Variants in GALNT13 observed in about 807,000 individuals in gnomAD.
GALNT13 encodes polypeptide N-acetylgalactosaminyltransferase 13, also known as UDP-GalNAc:polypeptide N-acetylgalactosaminyltransferase 13.
A neutral mutation model predicts 64.2 loss-of-function variants in GALNT13; 28 were observed. That is an observed-to-expected ratio of 0.44 (90% CI 0.32 to 0.60). GALNT13 has a LOEUF of 0.60. Among genes scored for constraint, GALNT13 ranks in the 20% least tolerant of loss-of-function variants. GALNT13 has a pLI of 0.05. For missense variants in GALNT13, 577 were observed against 669.8 expected (o/e 0.86, Z 1.53); for synonymous variants, 214 against 224.6 (o/e 0.95, Z 0.42).
At chr2:154,252,853 A>G (rs1690161509) in intron 7 of GALNT13, among the ~76,000 whole-genome samples, 2 of 152,166 alleles carry the variant, frequency 1.3e-5, no homozygotes, top group South Asian at 2.1e-4. Context: ...TGACTTTTTT[A>G]TCCATGCTAC....
intron 3 of GALNT13, 44 bp from the exon 4 acceptor site, chr2:154,140,293 T>G (rs761280956): frequency 7.0e-7 from 1 of 1,424,840 alleles, no homozygotes; most frequent in East Asian, 2.3e-5. Flanking sequence ...CAGTTCATTA[T>G]CTGTGTGTTT....
chr2:154,418,807 A>G (rs1389373752), intron 11 of GALNT13, among the ~76,000 whole-genome samples: 1 of 152,182 alleles, frequency 6.6e-6, no homozygotes, highest in Non-Finnish European at 1.5e-5. Context: ...AATTTCTAAG[A>G]TACTAAACCT....
chr2:154,184,039 A>G (rs1686113674), intron 4 of GALNT13, among the ~76,000 whole-genome samples: 1 of 151,758 alleles, frequency 6.6e-6, no homozygotes, highest in African/African-American at 2.4e-5. Flanking sequence ...ACTTGTTATA[A>G]CCTTATCATG....
chr2:153,218,230 C>G, the GALNT13 span, among the ~76,000 whole-genome samples: 1 of 152,124 alleles, frequency 6.6e-6, no homozygotes, highest in Non-Finnish European at 1.5e-5. Context: ...ACTGTTGCTT[C>G]TTATTCATTA....
At chr2:153,159,566 TGAAAG>T in the GALNT13 span, 1 of 152,812 alleles carries the variant, frequency 6.5e-6, no homozygotes, top group African/African-American at 2.4e-5. Flanking sequence ...TATGATGTGT[TGAAAG>T]GAACAAGAGC....
chr2:154,369,670 C>T (rs2105307134), intron 9 of GALNT13, among the ~76,000 whole-genome samples: 1 of 152,242 alleles, frequency 6.6e-6, no homozygotes, highest in Admixed American at 6.5e-5. Flanking sequence ...TAAGTTTCAA[C>T]ATGAGGTTTA....
intron 9 of GALNT13, among the ~76,000 whole-genome samples, chr2:154,360,515 G>T (rs1048261199): frequency 6.6e-6 from 1 of 152,134 alleles, no homozygotes; most frequent in Non-Finnish European, 1.5e-5. Flanking sequence ...AGTATAGGGT[G>T]CTGCTTTCGC....
intron 3 of GALNT13, among the ~76,000 whole-genome samples, chr2:154,068,976 T>C (rs1574445490): frequency 6.6e-6 from 1 of 152,026 alleles, no homozygotes; most frequent in Admixed American, 6.6e-5. Context: ...TTGTGATGAT[T>C]ATGCATTGTG....
At chr2:153,848,544 A>G in the GALNT13 span, among the ~76,000 whole-genome samples, 4 of 152,196 alleles carry the variant, frequency 2.6e-5, no homozygotes, top group African/African-American at 9.7e-5. Context: ...AACAATATCA[A>G]AAGTTGCTTC....
At chr2:153,432,884 G>A in the GALNT13 span, among the ~76,000 whole-genome samples, 1 of 152,076 alleles carries the variant, frequency 6.6e-6, no homozygotes, top group South Asian at 2.1e-4. Context: ...AGAATGATTT[G>A]TAAAATAGTT....
chr2:154,044,389 G>A (rs1699174851), intron 3 of GALNT13, among the ~76,000 whole-genome samples: 1 of 152,192 alleles, frequency 6.6e-6, no homozygotes, highest in Non-Finnish European at 1.5e-5. Context: ...TTCAGATGGA[G>A]GCACTCCCTG....
intron 8 of GALNT13, among the ~76,000 whole-genome samples, chr2:154,280,664 G>T (rs774484922): frequency 2.0e-5 from 3 of 152,146 alleles, no homozygotes; most frequent in African/African-American, 7.2e-5. Flanking sequence ...CTGTGAAAGA[G>T]CAAGAGATGC....
At chr2:154,328,379 C>T (rs2105184689) in intron 9 of GALNT13, among the ~76,000 whole-genome samples, 1 of 152,248 alleles carries the variant, frequency 6.6e-6, no homozygotes, top group East Asian at 1.9e-4. Context: ...TTCATTTTCA[C>T]TGGCATATAA....
At chr2:153,129,125 C>A in the GALNT13 span, among the ~76,000 whole-genome samples, 1 of 152,246 alleles carries the variant, frequency 6.6e-6, no homozygotes, top group East Asian at 1.9e-4. Context: ...CACTGTTTAG[C>A]CTGCATAGTC....
At chr2:153,458,589 C>T in the GALNT13 span, among the ~76,000 whole-genome samples, 2 of 152,120 alleles carry the variant, frequency 1.3e-5, no homozygotes, top group Non-Finnish European at 2.9e-5. Flanking sequence ...TTCTTAGACC[C>T]AGAACTTAGT....
At chr2:153,836,676 G>T in the GALNT13 span, among the ~76,000 whole-genome samples, 10 of 117,214 alleles carry the variant, frequency 8.5e-5, no homozygotes, top group African/African-American at 1.4e-4. Flanking sequence ...CCCCACAACG[G>T]TCCCCAGAGT....
chr2:154,081,323 T>A (rs1349420570), intron 3 of GALNT13, among the ~76,000 whole-genome samples: 1 of 151,620 alleles, frequency 6.6e-6, no homozygotes, highest in Admixed American at 6.6e-5. Context: ...GAATCAGGTA[T>A]TCTCTTAGCC....
intron 4 of GALNT13, among the ~76,000 whole-genome samples, chr2:154,192,490 A>G (rs1425105625): frequency 1.3e-5 from 2 of 151,902 alleles, no homozygotes; most frequent in Non-Finnish European, 2.9e-5. Context: ...TTTGGGTTAT[A>G]TTTACATTCA....
At chr2:153,126,295 TG>T in the GALNT13 span, among the ~76,000 whole-genome samples, 2 of 30,384 alleles carry the variant, frequency 6.6e-5, no homozygotes, top group South Asian at 4.2e-3. Context: ...GTATTGATTT[TG>T]TATATATATA....
Sources: gnomAD v4.1 joint callset for allele counts (sites outside exome capture counted in the v4.1 genomes callset) on GRCh38, gnomAD v4.1.1 for gene constraint, MANE v1.5 for transcripts, NCBI Gene and HGNC (gene_info 2026-07-23, HGNC 2026-07-21) for gene names.